The following PRIMA1 variants were observed in gnomAD, a reference collection of about 807,000 sequenced individuals.
PRIMA1 encodes the protein proline-rich membrane anchor 1.
A neutral mutation model predicts 17.5 loss-of-function variants in PRIMA1; 7 were observed. That is an observed-to-expected ratio of 0.40 (90% confidence interval 0.23 to 0.75). The LOEUF (loss-of-function observed/expected upper bound fraction) is 0.75, where lower values mean the gene tolerates loss of function less well. Among genes scored for constraint, PRIMA1 ranks in the 30% least tolerant of loss-of-function variants. The pLI, the probability that PRIMA1 is intolerant of heterozygous loss-of-function variation, is 0.37. For missense variants in PRIMA1, 200 were observed against 201.8 expected (o/e 0.99, Z 0.05); for synonymous variants, 97 against 77.9 (o/e 1.25, Z -1.29).
intron 3 of PRIMA1, among the ~76,000 whole-genome samples, chr14:93,775,870 T>C (rs759135858): frequency 7.2e-5 from 11 of 152,190 alleles, no homozygotes; most frequent in Non-Finnish European, 1.5e-4. Flanking sequence ...TGAGCCTCTA[T>C]CCACACATCC....
At chr14:93,741,274 T>C (rs2076182707) in intron 3 of PRIMA1, among the ~76,000 whole-genome samples, 1 of 152,190 alleles carries the variant, frequency 6.6e-6, no homozygotes, top group African/African-American at 2.4e-5. Context: ...GAAAAGAGAA[T>C]ACAATATGGA....
At chr14:93,751,447 G>A (rs149415706) in intron 3 of PRIMA1, among the ~76,000 whole-genome samples, 1 of 152,322 alleles carries the variant, frequency 6.6e-6, no homozygotes, top group East Asian at 1.9e-4. Flanking sequence ...TCTTGCGTTA[G>A]GGTCTGAGGA....
In PRIMA1 at chr14:93,733,651, C is replaced by T. The variant is rs145989594; in HGVS notation, c.359+3590G>A. 3.9e-3 allele frequency among the ~76,000 whole-genome samples: 597 copies of T among 151,410 alleles called. 7 individuals are homozygous for T. The highest frequency in any genetic ancestry group is 0.013 in the African/African-American group (545 of 41,150). ...AGATCTCTTGGAAATTCCTAGGACT[C>T]GAGGCTATGAGAGTTAAAAGAAAAA... is the stretch of plus-strand genomic sequence containing the variant. On this transcript the variant is annotated intron_variant, in intron 4 of 4. Transcript: ENST00000393140.
intron 3 of PRIMA1, among the ~76,000 whole-genome samples, chr14:93,774,487 G>GAC (rs1376432468): frequency 6.6e-6 from 1 of 152,174 alleles, no homozygotes; most frequent in African/African-American, 2.4e-5. Context: ...CTTTATGCCA[G>GAC]ACACACACAC....
intron 2 of PRIMA1, among the ~76,000 whole-genome samples, chr14:93,786,245 G>A (rs1885520706): frequency 1.3e-5 from 2 of 152,226 alleles, no homozygotes; most frequent in South Asian, 4.1e-4. Flanking sequence ...ACAAAATCAT[G>A]TTTCCTGAGG....
intron 4 of PRIMA1, among the ~76,000 whole-genome samples, chr14:93,728,963 G>C (rs1370210758): frequency 3.3e-5 from 5 of 152,200 alleles, no homozygotes; most frequent in Admixed American, 1.3e-4. Context: ...GCCCAGGGCA[G>C]GTAAGGACCT....
intron 3 of PRIMA1, among the ~76,000 whole-genome samples, chr14:93,769,058 T>C (rs1218861586): frequency 6.6e-6 from 1 of 150,802 alleles, no homozygotes; most frequent in African/African-American, 2.4e-5. Flanking sequence ...CCAGCCATTC[T>C]AGAGGCTCTT....
intron 4 of PRIMA1, among the ~76,000 whole-genome samples, chr14:93,724,319 T>C (rs1427023396): frequency 6.6e-6 from 1 of 152,208 alleles, no homozygotes; most frequent in Admixed American, 6.5e-5. Flanking sequence ...CACGTGAATC[T>C]GAGAACACCA....
In PRIMA1 at chr14:93,726,758, A is replaced by G. The variant is rs1391376472; in HGVS notation, c.360-5212T>C. Among the ~76,000 whole-genome samples the G allele has an allele frequency of 6.6e-6, 1 of 152,044 alleles. No individual in the cohort carries two copies. The highest frequency in any genetic ancestry group is 1.5e-5 in the Non-Finnish European group (1 of 68,002). On this transcript the variant is annotated intron_variant, in intron 4 of 4. Coordinates refer to ENST00000393140, the MANE Select transcript of PRIMA1 (RefSeq NM_178013.4). The surrounding 1 kb of genome is among the most constrained non-coding windows in gnomAD (Gnocchi z 4.2). ...ATGTACACACAGGCACATACGCATA[A>G]ATGTACAAATCCACACACACAAACA...
intron 3 of PRIMA1, among the ~76,000 whole-genome samples, chr14:93,753,155 C>T (rs1479414410): frequency 6.6e-6 from 1 of 152,214 alleles, no homozygotes; most frequent in Non-Finnish European, 1.5e-5. Flanking sequence ...CTGACTTGGC[C>T]TCCCAAGTGC....
chr14:93,719,183 G>A lies in PRIMA1; in HGVS notation c.*2261C>T, dbSNP rs938680434. ...TGAGAGGGAATTTATGTGCAGACTAGAGCCCTGGATGCGTCAGCGGCTCAG... is the reference window on the plus strand; with the variant it reads ...TGAGAGGGAATTTATGTGCAGACTAAAGCCCTGGATGCGTCAGCGGCTCAG... On this transcript the variant is annotated 3_prime_UTR_variant, in exon 5 of 5. Coordinates refer to ENST00000393140, the MANE Select transcript of PRIMA1 (RefSeq NM_178013.4). 3 of 152,196 alleles carry A rather than the reference G, an allele frequency of 2.0e-5. No individual in the cohort carries two copies. Among genetic ancestry groups the A allele is most frequent in the East Asian group, 1.9e-4 (1 of 5,190 alleles). The allele number at this position is 152,196 out of a possible 1,614,324, so 9.4% of individuals were successfully genotyped here. A position where few individuals can be genotyped will look rare whatever the true frequency, so the allele number is the denominator to read the frequency against.
At chr14:93,783,774 G>A (rs1885446231) in intron 2 of PRIMA1, among the ~76,000 whole-genome samples, 1 of 152,206 alleles carries the variant, frequency 6.6e-6, no homozygotes, top group African/African-American at 2.4e-5. Flanking sequence ...TGAGGCACAG[G>A]TATGTCCTGG....
intron 3 of PRIMA1, among the ~76,000 whole-genome samples, chr14:93,738,949 G>A (rs1418106462): frequency 6.6e-6 from 1 of 151,922 alleles, no homozygotes; most frequent in Non-Finnish European, 1.5e-5. Context: ...TTAGCATAGC[G>A]TTTCTGAGAT....
At chr14:93,740,919 T>C (rs1037542185) in intron 3 of PRIMA1, among the ~76,000 whole-genome samples, 3 of 152,238 alleles carry the variant, frequency 2.0e-5, no homozygotes, top group Non-Finnish European at 4.4e-5. Flanking sequence ...GCCTCTCTTC[T>C]TTACATTCTC....
intron 2 of PRIMA1, among the ~76,000 whole-genome samples, chr14:93,786,867 G>A (rs1458077283): frequency 6.6e-6 from 1 of 152,208 alleles, no homozygotes; most frequent in Non-Finnish European, 1.5e-5. Context: ...ACTTACAATA[G>A]TACAGTCAGG....
chr14:93,731,431 C>T (rs967089872), intron 4 of PRIMA1, among the ~76,000 whole-genome samples: 1 of 152,178 alleles, frequency 6.6e-6, no homozygotes, highest in Non-Finnish European at 1.5e-5. Context: ...TGCTGTCTTT[C>T]TTAAGAGCCT....
At chr14:93,755,516 A>G (rs779266234) in intron 3 of PRIMA1, among the ~76,000 whole-genome samples, 2 of 152,186 alleles carry the variant, frequency 1.3e-5, no homozygotes, top group Non-Finnish European at 2.9e-5. Flanking sequence ...CCGAGTAGGA[A>G]TGGGGTTCTT....
At chr14:93,730,458 A>C (rs1294319591) in intron 4 of PRIMA1, among the ~76,000 whole-genome samples, 1 of 152,168 alleles carries the variant, frequency 6.6e-6, no homozygotes, top group Non-Finnish European at 1.5e-5. Context: ...GGGGAAGGAC[A>C]CTGACCAGAG....
At chr14:93,746,076 C>T (rs896776199) in intron 3 of PRIMA1, among the ~76,000 whole-genome samples, 5 of 152,052 alleles carry the variant, frequency 3.3e-5, no homozygotes, top group East Asian at 3.9e-4. Flanking sequence ...TTGGGAGAGG[C>T]GGGCTCAGCC....
Sources: allele counts gnomAD v4.1 joint callset (sites outside exome capture counted in the v4.1 genomes callset), GRCh38; gene constraint gnomAD v4.1.1; non-coding constraint Gnocchi (gnomAD v3.1); transcripts MANE v1.5; gene names NCBI Gene and HGNC (gene_info 2026-07-23, HGNC 2026-07-21).